The following CPM variants were observed in gnomAD, a reference collection of about 807,000 sequenced individuals.
CPM encodes carboxypeptidase M.
A neutral mutation model predicts 46.4 loss-of-function variants in CPM; 35 were observed. The observed-to-expected ratio is 0.75, with a 90% CI of 0.58 to 1.00. CPM has a LOEUF of 1.00. Ranked by LOEUF, CPM falls within the 50% of genes least tolerant of loss-of-function variation. CPM has a pLI of 0.00. For synonymous variants in CPM, 195 were observed against 195.3 expected (o/e 1.00, Z 0.01); for missense variants, 422 against 530.4 (o/e 0.80, Z 2.01).
chr12:68,919,091 T>G (rs546629977), intron 2 of CPM, among the ~76,000 whole-genome samples: 8 of 152,356 alleles, frequency 5.3e-5, no homozygotes, highest in African/African-American at 1.9e-4. Context: ...TCACTTGCAC[T>G]TTGTGCACTT....
intron 2 of CPM, among the ~76,000 whole-genome samples, chr12:68,917,980 A>G (rs1245407950): frequency 6.6e-6 from 1 of 152,184 alleles, no homozygotes; most frequent in Non-Finnish European, 1.5e-5. Flanking sequence ...TTGCCACCAT[A>G]TATCTGTATC....
intron 7 of CPM, among the ~76,000 whole-genome samples, chr12:68,860,242 C>G (rs538510198): frequency 5.3e-5 from 8 of 152,168 alleles, no homozygotes; most frequent in African/African-American, 1.9e-4. Context: ...TTCCTTCTCC[C>G]TTTCTCTATA....
At chr12:68,876,311 G>A (rs1342033111) in intron 3 of CPM, among the ~76,000 whole-genome samples, 1 of 152,160 alleles carries the variant, frequency 6.6e-6, no homozygotes, top group East Asian at 1.9e-4. Context: ...TGAAATTTCA[G>A]AGGCAGTTAA....
intron 6 of CPM, among the ~76,000 whole-genome samples, chr12:68,867,958 T>C (rs1388975236): frequency 6.6e-6 from 1 of 152,086 alleles, no homozygotes; most frequent in Non-Finnish European, 1.5e-5. Flanking sequence ...CAACAAAACA[T>C]CCAGGCCAGG....
chr12:68,915,709 T>C (rs1250019551), intron 2 of CPM, among the ~76,000 whole-genome samples: 1 of 152,192 alleles, frequency 6.6e-6, no homozygotes, highest in East Asian at 1.9e-4. Flanking sequence ...CTGTTCTTCT[T>C]TGCATCCCCT....
At chr12:68,902,952 A>G (rs1887174160) in intron 2 of CPM, among the ~76,000 whole-genome samples, 1 of 152,246 alleles carries the variant, frequency 6.6e-6, no homozygotes, top group Non-Finnish European at 1.5e-5. Context: ...CAAAAGTGAC[A>G]AAAAGTCACT....
chr12:68,878,452 G>A (rs1362898437), intron 3 of CPM, among the ~76,000 whole-genome samples: 1 of 152,190 alleles, frequency 6.6e-6, no homozygotes, highest in African/African-American at 2.4e-5. Flanking sequence ...TGCACTGGAT[G>A]GATCTGCTGG....
At position 68,866,895 on chromosome 12, in the gene CPM, C is replaced by A. The variant is rs1885473688; in HGVS notation, c.940+1G>T. 2 of 1,611,040 alleles carry A rather than the reference C, an allele frequency of 1.2e-6. No homozygotes were observed. The highest frequency in any genetic ancestry group is 1.1e-5 in the South Asian group (1 of 90,034). ...GGAATTAATAAGAAAATTTTACAAACCTAGGTGCACCTGCTTTATATATTC... is the reference window on the plus strand; with the variant it reads ...GGAATTAATAAGAAAATTTTACAAAACTAGGTGCACCTGCTTTATATATTC... On this transcript the variant is annotated splice_donor_variant, in intron 7 of 8. Coordinates refer to ENST00000551568, the MANE Select transcript of CPM (RefSeq NM_198320.5). LOFTEE classifies it high-confidence loss of function.
chr12:68,860,134 A>C (rs548390548), intron 7 of CPM, among the ~76,000 whole-genome samples: 2 of 152,366 alleles, frequency 1.3e-5, no homozygotes, highest in Non-Finnish European at 2.9e-5. Flanking sequence ...GAACTTCAAC[A>C]AACTTCTATC....
chr12:68,891,579 A>G (rs1886655210), intron 2 of CPM, among the ~76,000 whole-genome samples: 1 of 152,236 alleles, frequency 6.6e-6, no homozygotes, highest in Non-Finnish European at 1.5e-5. Context: ...TGGAAACTTC[A>G]TAAGGCAGAG....
intron 1 of CPM, among the ~76,000 whole-genome samples, chr12:68,942,374 G>A (rs938575482): frequency 3.3e-5 from 5 of 151,926 alleles, no homozygotes; most frequent in African/African-American, 9.7e-5. Context: ...AGAAAGAAAA[G>A]GACTAAAAAA....
chr12:68,890,216 C>A (rs1886598548), intron 2 of CPM, among the ~76,000 whole-genome samples: 1 of 152,102 alleles, frequency 6.6e-6, no homozygotes, highest in South Asian at 2.1e-4. Context: ...CAGCCTGGGA[C>A]ACAGCAAGAC....
chr12:68,931,763 A>AAAAAAAGAAAGAAAG (rs1482981614), intron 2 of CPM, among the ~76,000 whole-genome samples: 14 of 132,498 alleles, frequency 1.1e-4, no homozygotes, highest in African/African-American at 4.0e-4. Context: ...AAAAAAAAAA[A>AAAAAAAGAAAGAAAG]AAAGAAAGAA....
At chr12:68,849,787 A>G (rs1304021978), downstream of CPM, 1 of 148,346 alleles carries the variant, frequency 6.7e-6, no homozygotes, top group Non-Finnish European at 1.5e-5. Context: ...AAATTTTTGT[A>G]TTTTCAGTAG....
intron 2 of CPM, among the ~76,000 whole-genome samples, chr12:68,898,909 G>T (rs1382614331): frequency 6.6e-6 from 1 of 152,158 alleles, no homozygotes; most frequent in Non-Finnish European, 1.5e-5. Context: ...TAAAAATAGT[G>T]CCAGAAACAT....
rs1181188557 is a variant in CPM, at chr12:68,852,177, A to G, written c.*4260T>C. The G allele has an allele frequency of 6.6e-6, 1 of 152,244 alleles. No homozygotes were observed. Among genetic ancestry groups the G allele is most frequent in the East Asian group, 1.9e-4 (1 of 5,206 alleles). 9.4% of individuals were successfully genotyped at this position (152,244 alleles called of 1,614,324 possible). ...TTGGAAATGTTGAGAAAAAGCTTTT[A>G]ACATTTCAGATACATCCAACAGTTC... On this transcript the variant is annotated 3_prime_UTR_variant, in exon 9 of 9. Transcript: ENST00000551568.
At chr12:68,957,559 A>G (rs955064824) in intron 1 of CPM, 1 of 167,818 alleles carries the variant, frequency 6.0e-6, no homozygotes, top group African/African-American at 2.4e-5. Context: ...ACACTTTCCC[A>G]GAAGACTGAC....
At chr12:68,933,583 G>A (rs925165331), upstream of CPM, among the ~76,000 whole-genome samples, 6 of 152,000 alleles carry the variant, frequency 3.9e-5, no homozygotes, top group Admixed American at 1.3e-4. Context: ...TGGCGGTGCC[G>A]GGGCCCACCT....
At chr12:68,845,214 A>G (rs938494343) in intron 5 of CPM, 4 of 217,172 alleles carry the variant, frequency 1.8e-5, no homozygotes, top group Non-Finnish European at 1.8e-5. Context: ...ATAAAAAGAA[A>G]AAGTATTTCT....
Sources: allele counts gnomAD v4.1 joint callset (sites outside exome capture counted in the v4.1 genomes callset), GRCh38; gene constraint gnomAD v4.1.1; transcripts MANE v1.5; gene names NCBI Gene and HGNC (gene_info 2026-07-23, HGNC 2026-07-21).